The following NF1 variants were observed in gnomAD, a reference collection of about 807,000 sequenced individuals.
NF1 encodes the protein neurofibromin 1.
Under a neutral mutation model 325.7 loss-of-function variants are expected in NF1, and 122 were observed. That is an observed-to-expected ratio of 0.37 (90% CI 0.32 to 0.44). The LOEUF is 0.44. NF1 is among the 20% of genes least tolerant of loss of function. NF1 has a pLI of 1.00. For missense variants in NF1, 2,140 were observed against 3,415.4 expected (o/e 0.63, Z 9.31); for synonymous variants, 1,091 against 1,186.0 (o/e 0.92, Z 1.65).
At chr17:31,168,887 C>G (rs1466144416) in intron 4 of NF1, among the ~76,000 whole-genome samples, 1 of 152,084 alleles carries the variant, frequency 6.6e-6, no homozygotes, top group Non-Finnish European at 1.5e-5. Flanking sequence ...TTCTGTCATT[C>G]ATTCTTTATT....
rs573288247 is a variant in NF1, at chr17:31,118,037, C to T, written c.60+22668C>T. Among the ~76,000 whole-genome samples, 11 of 152,206 alleles carry T rather than the reference C, an allele frequency of 7.2e-5. No individual in the cohort carries two copies. The South Asian group carries it at 1.0e-3, about 14-fold the overall frequency. On this transcript the variant is annotated intron_variant, in intron 1 of 57. Coordinates refer to ENST00000358273, the MANE Select transcript of NF1 (RefSeq NM_001042492.3). ...TTGAATTATGCTTTCAAATATGGTA[C>T]GCATATGAAAGTAATACATGGTTGT... is the stretch of plus-strand genomic sequence containing the variant.
intron 36 of NF1, chr17:31,305,570 G>A (rs772378094): frequency 1.2e-4 from 201 of 1,613,568 alleles, no homozygotes; most frequent in Non-Finnish European, 1.6e-4. Context: ...TTGTTCAGGT[G>A]TCCACAAAAC....
At chr17:31,348,810 A>G (rs1220132725) in intron 48 of NF1, among the ~76,000 whole-genome samples, 1 of 150,624 alleles carries the variant, frequency 6.6e-6, no homozygotes, top group East Asian at 1.9e-4. Flanking sequence ...TTTTTTTTTA[A>G]TCTCTGTGCT....
intron 27 of NF1, among the ~76,000 whole-genome samples, chr17:31,234,004 A>G (rs1400827471): frequency 6.6e-6 from 1 of 152,182 alleles, no homozygotes; most frequent in Non-Finnish European, 1.5e-5. Context: ...GAGCCACACC[A>G]GCTACCTTTC....
intron 6 of NF1, 50 bp from the exon 7 acceptor site, chr17:31,181,660 T>G (rs1316332661): frequency 1.4e-6 from 2 of 1,395,194 alleles, no homozygotes; most frequent in Non-Finnish European, 2.0e-6. Flanking sequence ...ACATTTTATT[T>G]ACTGTATTAC....
chr17:31,227,839 A>G (rs576851424), intron 20 of NF1, among the ~76,000 whole-genome samples: 2 of 152,334 alleles, frequency 1.3e-5, no homozygotes, highest in South Asian at 2.1e-4. Flanking sequence ...TAGTTCCTCA[A>G]TCATATAGTA....
chr17:31,310,451 G>A lies in NF1; in HGVS notation c.4836-15369G>A, dbSNP rs973358757. On this transcript the variant is annotated intron_variant, in intron 36 of 57. Transcript: ENST00000358273. Reference sequence around the variant, plus strand: ...TTGGGGGTGGGGGGAGATGATTGAAGTAGATGAAAGAAGCAACGGCAAAAT... The same window carrying A: ...TTGGGGGTGGGGGGAGATGATTGAAATAGATGAAAGAAGCAACGGCAAAAT... 3.3e-5 allele frequency among the ~76,000 whole-genome samples: 5 copies of A among 152,226 alleles called. No homozygotes were observed. In the Middle Eastern group the frequency reaches 0.01, roughly 311 times the overall value.
chr17:31,164,977 T>G (rs2065821166), intron 4 of NF1, among the ~76,000 whole-genome samples: 1 of 152,148 alleles, frequency 6.6e-6, no homozygotes, highest in Admixed American at 6.5e-5. Flanking sequence ...GGTGGAAAAT[T>G]GTATTTAATA....
intron 1 of NF1, among the ~76,000 whole-genome samples, chr17:31,105,229 A>G (rs1178761020): frequency 6.6e-6 from 1 of 152,166 alleles, no homozygotes; most frequent in Admixed American, 6.5e-5. Context: ...TGACTATATC[A>G]TCAAAAAGCT....
At chr17:31,355,401 C>T (rs942039069) in intron 51 of NF1, among the ~76,000 whole-genome samples, 1 of 151,942 alleles carries the variant, frequency 6.6e-6, no homozygotes, top group African/African-American at 2.4e-5. Context: ...ACGAAGAAGC[C>T]GGACTAGATC....
At chr17:31,223,392 C>T (rs910858304) in intron 15 of NF1, 52 bp from the exon 16 acceptor site, 1 of 1,599,518 alleles carries the variant, frequency 6.3e-7, no homozygotes, top group Non-Finnish European at 8.5e-7. Context: ...CTGGTTATAT[C>T]TGCATTAGGT....
intron 29 of NF1, among the ~76,000 whole-genome samples, chr17:31,240,754 G>A (rs181480307): frequency 1.3e-5 from 2 of 152,120 alleles, no homozygotes; most frequent in East Asian, 3.9e-4. Flanking sequence ...GTTATTGCCC[G>A]TCTTTTGGAT....
rs878853907 is a variant in NF1 at position 31,336,852 on chromosome 17, C to T, written c.6365C>T (p.Thr2122Ile). 1.2e-6 allele frequency: 2 copies of T among 1,613,824 alleles called. No individual in the cohort carries two copies. Among genetic ancestry groups the T allele is most frequent in the Admixed American group, 1.7e-5 (1 of 60,026 alleles). The part of the protein sequence containing the change: ...ATGPLSLRAS[T>I]HGLVINIIHS... ...GGTCCGCTCTCCCTTAGAGCTTCCA[C>T]ACATGGACTGGTCATTAATATCATT... is the stretch of plus-strand genomic sequence containing the variant. Residue 2122 changes from threonine to isoleucine, a missense_variant, in exon 42 of 58, where the codon ACA becomes ATA. Around this residue, in one of 10 missense-constraint regions of NF1, gnomAD observed 180 missense variants for 435.1 expected, o/e 0.41. Coordinates refer to ENST00000358273, the MANE Select transcript of NF1 (RefSeq NM_001042492.3). The surrounding 1 kb of genome is among the most constrained non-coding windows in gnomAD (Gnocchi z 5.5).
intron 36 of NF1, among the ~76,000 whole-genome samples, chr17:31,285,240 G>A (rs933316688): frequency 7.0e-6 from 1 of 142,506 alleles, no homozygotes; most frequent in African/African-American, 2.7e-5. Context: ...TCGCACCACT[G>A]CACTCCAACC....
intron 45 of NF1, among the ~76,000 whole-genome samples, chr17:31,338,444 T>A (rs1309760412): frequency 6.6e-6 from 1 of 152,184 alleles, no homozygotes; most frequent in Non-Finnish European, 1.5e-5. Flanking sequence ...AGCATTTAAT[T>A]ATATGGTAAG....
At chr17:31,226,216 G>A (rs899935915) in intron 17 of NF1, among the ~76,000 whole-genome samples, 1 of 151,564 alleles carries the variant, frequency 6.6e-6, no homozygotes, top group Non-Finnish European at 1.5e-5. Context: ...GCATTATGTT[G>A]GTCCAGATAA....
At chr17:31,152,197 G>A (rs779518561) in intron 1 of NF1, among the ~76,000 whole-genome samples, 1 of 151,452 alleles carries the variant, frequency 6.6e-6, no homozygotes, top group Admixed American at 6.6e-5. Context: ...TATAAATAAT[G>A]TCCTCTTTCT....
chr17:31,169,741 T>G, intron 4 of NF1, 150 bp from the exon 5 acceptor site: 1 of 593,234 alleles, frequency 1.7e-6, no homozygotes, highest in African/African-American at 1.9e-5. Flanking sequence ...AGATGATGTC[T>G]TGCTATGTTG....
intron 11 of NF1, among the ~76,000 whole-genome samples, chr17:31,205,103 A>G (rs1382573348): frequency 6.6e-6 from 1 of 152,286 alleles, no homozygotes. Context: ...AGTTGGTTTT[A>G]TATTTTACTA....
Sources: allele counts gnomAD v4.1 joint callset (sites outside exome capture counted in the v4.1 genomes callset), GRCh38; gene constraint gnomAD v4.1.1; regional missense constraint gnomAD v4.1.1; non-coding constraint Gnocchi (gnomAD v3.1); transcripts MANE v1.5; gene names NCBI Gene and HGNC (gene_info 2026-07-23, HGNC 2026-07-21).